GDPD5: variants seen among roughly 807,000 people sequenced by gnomAD.
The protein encoded by GDPD5 is glycerophosphodiester phosphodiesterase 2.
In GDPD5, 48 loss-of-function variants were observed where a neutral mutation model predicts 75.1. The observed-to-expected ratio is 0.64, with a 90% CI of 0.51 to 0.81. The LOEUF (loss-of-function observed/expected upper bound fraction) is 0.81. GDPD5 is among the 40% of genes least tolerant of loss of function. The pLI, the probability that GDPD5 is intolerant of heterozygous loss-of-function variation, is 0.00. For synonymous variants in GDPD5, 336 were observed against 339.0 expected (o/e 0.99, Z 0.10); for missense variants, 706 against 822.6 (o/e 0.86, Z 1.73).
Position 75,450,797 on chromosome 11 carries a change from C to G in GDPD5, c.376-814G>C, listed in dbSNP as rs997895702. ...CCGTGGATCTCACTCCACCCACCCC[C>G]CTCCACACCCCCAGGCGTGCCTCCC... On this transcript the variant is annotated intron_variant, in intron 6 of 16. Transcript: ENST00000336898. The G allele has an allele frequency of 1.4e-4, 22 of 152,118 alleles. 3 individuals carry two copies. Among genetic ancestry groups the G allele is most frequent in the Admixed American group, 1.2e-3 (19 of 15,286 alleles). The allele number at this position is 152,118 out of a possible 1,614,324, so 9.4% of individuals were successfully genotyped here. A position where few individuals can be genotyped will look rare whatever the true frequency, so the allele number is the denominator to read the frequency against.
chr11:75,439,198 G>A (rs1404241217), intron 15 of GDPD5: 7 of 383,258 alleles, frequency 1.8e-5, no homozygotes, highest in Non-Finnish European at 3.2e-5. Context: ...GGGGGTAAGG[G>A]AGGCTTCAGG....
rs1324151335 is a variant in GDPD5, at chr11:75,457,771, G to A, written c.237C>T (p.Arg79=). The A allele has an allele frequency of 6.2e-7, 1 of 1,613,928 alleles. No individual in the cohort carries two copies. The highest frequency in any genetic ancestry group is 8.5e-7 in the Non-Finnish European group (1 of 1,179,946). Residue 79 remains arginine (R), a synonymous_variant, in exon 5 of 17, where the codon CGC becomes CGT. Coordinates refer to ENST00000336898, the MANE Select transcript of GDPD5 (RefSeq NM_030792.8). The stretch of plus-strand genomic sequence containing the variant: ...CGGGCCAGTCGCTCCAGTAGCCCAT[G>A]CGGTTGTAGAGGTACCTGCCAGGAG... ...YDEFNWYLYN[R]MGYWSDWPVP...
chr11:75,477,215 G>A (rs61897406), intron 3 of GDPD5, among the ~76,000 whole-genome samples: 8,492 of 152,180 alleles, frequency 0.056, 349 homozygotes, highest in East Asian at 0.13. Flanking sequence ...GTGCCAGACC[G>A]TGGCCCTGCC....
intron 1 of GDPD5, among the ~76,000 whole-genome samples, chr11:75,494,361 G>A (rs974318344): frequency 2.6e-5 from 4 of 151,982 alleles, no homozygotes; most frequent in Non-Finnish European, 4.4e-5. Context: ...GGGATTACAG[G>A]CATGTGCCAC....
At chr11:75,443,069 C>G in intron 11 of GDPD5, 67 bp downstream of exon 11, 10 of 1,540,502 alleles carry the variant, frequency 6.5e-6, no homozygotes, top group Non-Finnish European at 7.9e-6. Context: ...CACCCTTGCA[C>G]CTCTCACTCC....
chr11:75,496,571 G>A (rs1297730951), intron 1 of GDPD5, among the ~76,000 whole-genome samples: 1 of 152,164 alleles, frequency 6.6e-6, no homozygotes, highest in African/African-American at 2.4e-5. Flanking sequence ...ACAGTGTGCA[G>A]TGGCTGTAAC....
At position 75,504,487 on chromosome 11, in the gene GDPD5, G is replaced by A. The variant is rs571893223; in HGVS notation, c.-144-14167C>T. 7.8e-4 allele frequency among the ~76,000 whole-genome samples: 119 copies of A among 152,314 alleles called. 2 individuals are homozygous for A. The South Asian group carries it at 0.024, about 31-fold the overall frequency. Reference sequence around the variant, plus strand: ...TAGCCACACAATGGAGCAGCACTCCGCCTGAACAAAGAAGGGGATCCAGCC... The same window carrying A: ...TAGCCACACAATGGAGCAGCACTCCACCTGAACAAAGAAGGGGATCCAGCC... On this transcript the variant is annotated intron_variant, in intron 1 of 16. Coordinates refer to ENST00000336898, the MANE Select transcript of GDPD5 (RefSeq NM_030792.8).
intron 1 of GDPD5, among the ~76,000 whole-genome samples, chr11:75,493,406 G>T (rs75867319): frequency 6.6e-6 from 1 of 151,630 alleles, no homozygotes; most frequent in Non-Finnish European, 1.5e-5. Context: ...TAAGGCATGC[G>T]TTGTGGACTG....
chr11:75,456,932 C>A (rs1949297739), intron 5 of GDPD5, 116 bp from the exon 6 acceptor site: 2 of 973,812 alleles, frequency 2.1e-6, no homozygotes, highest in East Asian at 2.5e-5. Flanking sequence ...GCAGAGGCAG[C>A]GAACCTCCCT....
intron 1 of GDPD5, among the ~76,000 whole-genome samples, chr11:75,511,287 T>A (rs967144068): frequency 3.3e-5 from 5 of 152,184 alleles, no homozygotes; most frequent in African/African-American, 4.8e-5. Flanking sequence ...GGGGTTTCCT[T>A]GCACAAAACA....
chr11:75,510,775 G>A (rs1192508839), intron 1 of GDPD5, among the ~76,000 whole-genome samples: 1 of 149,934 alleles, frequency 6.7e-6, no homozygotes, highest in Non-Finnish European at 1.5e-5. Context: ...TCCTCCTCCG[G>A]GCCTCCCCAT....
intron 2 of GDPD5, among the ~76,000 whole-genome samples, chr11:75,484,747 G>C (rs1949987221): frequency 6.6e-6 from 1 of 152,088 alleles, no homozygotes; most frequent in African/African-American, 2.4e-5. Flanking sequence ...ATAATAAAAA[G>C]AACTGGCTGA....
intron 1 of GDPD5, among the ~76,000 whole-genome samples, chr11:75,500,882 A>T (rs761878543): frequency 7.2e-5 from 11 of 152,004 alleles, no homozygotes; most frequent in Non-Finnish European, 1.6e-4. Context: ...TCCCCCAAAC[A>T]GCTCTGTAGT....
chr11:75,493,942 A>G (rs911051548), intron 1 of GDPD5, among the ~76,000 whole-genome samples: 2 of 152,208 alleles, frequency 1.3e-5, no homozygotes, highest in Non-Finnish European at 2.9e-5. Context: ...CATTACTCAC[A>G]TTAATGTAAC....
At chr11:75,519,499 G>A (rs1369164634) in intron 1 of GDPD5, among the ~76,000 whole-genome samples, 1 of 152,194 alleles carries the variant, frequency 6.6e-6, no homozygotes, top group Non-Finnish European at 1.5e-5. Context: ...TTTTCTCTAA[G>A]ATCCTCTGTG....
chr11:75,514,296 G>A (rs148069754), intron 1 of GDPD5, among the ~76,000 whole-genome samples: 1 of 152,350 alleles, frequency 6.6e-6, no homozygotes, highest in African/African-American at 2.4e-5. Flanking sequence ...GTCCCAGAGG[G>A]GGAGAAGCAG....
At chr11:75,441,393 T>A in intron 13 of GDPD5, 83 bp from the exon 14 acceptor site, 1 of 1,537,356 alleles carries the variant, frequency 6.5e-7, no homozygotes, top group Admixed American at 1.7e-5. Flanking sequence ...GCACGTCCTG[T>A]TCACGACCTC....
At chr11:75,454,807 T>C (rs572804449) in intron 6 of GDPD5, among the ~76,000 whole-genome samples, 1 of 152,392 alleles carries the variant, frequency 6.6e-6, no homozygotes, top group South Asian at 2.1e-4. Context: ...ACTTTCTTTG[T>C]ATACTTTTTT....
chr11:75,472,333 T>C (rs910850702), intron 3 of GDPD5, among the ~76,000 whole-genome samples: 1 of 152,200 alleles, frequency 6.6e-6, no homozygotes, highest in Non-Finnish European at 1.5e-5. Context: ...TCAAGGCTGC[T>C]TCATCCCTGA....
Sources: gnomAD v4.1 joint callset for allele counts (sites outside exome capture counted in the v4.1 genomes callset) on GRCh38, gnomAD v4.1.1 for gene constraint, MANE v1.5 for transcripts, NCBI Gene and HGNC (gene_info 2026-07-23, HGNC 2026-07-21) for gene names.